SCGB2B2: variants seen among roughly 807,000 people sequenced by gnomAD.
SCGB2B2 encodes secretoglobin-like protein.
SCGB2B2 carries 11 observed loss-of-function variants against 7.6 expected under a neutral mutation model. That is an observed-to-expected ratio of 1.45 (90% CI 0.91 to 2.40). The LOEUF is 2.40. Among genes scored for constraint, SCGB2B2 ranks in the 30% most tolerant of loss-of-function variants. SCGB2B2 has a pLI of 0.00. For synonymous variants in SCGB2B2, 50 were observed against 48.6 expected, an observed-to-expected ratio of 1.03 and a Z score of -0.12; for missense variants, 104 against 115.4, an observed-to-expected ratio of 0.90 and a Z score of 0.45.
chr19:34,625,356 A>G (rs928256462), intron 1 of SCGB2B2, among the ~76,000 whole-genome samples: 1 of 152,218 alleles, frequency 6.6e-6, no homozygotes, highest in Non-Finnish European at 1.5e-5. Context: ...GGGTCAGGGA[A>G]TTCCCTTTCC....
intron 1 of SCGB2B2, among the ~76,000 whole-genome samples, chr19:34,669,181 G>T (rs1189996936): frequency 6.6e-6 from 1 of 152,022 alleles, no homozygotes; most frequent in South Asian, 2.1e-4. Context: ...GAGGGTCCGC[G>T]ACTTCATTCT....
chr19:34,606,521 T>C (rs1180902574), intron 1 of SCGB2B2, among the ~76,000 whole-genome samples: 1 of 151,310 alleles, frequency 6.6e-6, no homozygotes, highest in Non-Finnish European at 1.5e-5. Flanking sequence ...CTTTTTCTTT[T>C]TTTTTTTGCT....
chr19:34,632,562 C>G (rs1411616319), intron 1 of SCGB2B2, among the ~76,000 whole-genome samples: 2 of 152,138 alleles, frequency 1.3e-5, no homozygotes, highest in African/African-American at 4.8e-5. Flanking sequence ...CACTACACAC[C>G]AAATGAGAAT....
In SCGB2B2 at chr19:34,590,931, G is replaced by A. The variant is rs568834652; in HGVS notation, c.*2624C>T. Among the ~76,000 whole-genome samples, 2 of 152,008 alleles carry A rather than the reference G, an allele frequency of 1.3e-5. No homozygotes were observed. Among genetic ancestry groups the A allele is most frequent in the Non-Finnish European group, 2.9e-5 (2 of 67,992 alleles). ...TAACATGTTTGTCCAAATTTCTCAG[G>A]GCATTTCTAATTCTTTTCATTTACT... On this transcript the variant is annotated 3_prime_UTR_variant, in exon 4 of 4. Transcript: ENST00000601241.
intron 1 of SCGB2B2, among the ~76,000 whole-genome samples, chr19:34,631,129 G>C (rs1264670943): frequency 5.0e-5 from 6 of 119,052 alleles, no homozygotes; most frequent in East Asian, 6.1e-4. Flanking sequence ...TGGGGGGAGG[G>C]GGGAGGGATG....
downstream of SCGB2B2, among the ~76,000 whole-genome samples, chr19:34,586,921 C>G (rs1259456094): frequency 2.0e-5 from 3 of 151,612 alleles, no homozygotes; most frequent in Non-Finnish European, 2.9e-5. Flanking sequence ...TGTTGTTGTT[C>G]TTTGAGACGG....
chr19:34,633,553 G>C (rs890578846), intron 1 of SCGB2B2, among the ~76,000 whole-genome samples: 1 of 152,098 alleles, frequency 6.6e-6, no homozygotes, highest in African/African-American at 2.4e-5. Context: ...TAAAGTTTTA[G>C]AAAAAGAAAA....
chr19:34,642,711 T>C (rs1321174804), intron 1 of SCGB2B2, among the ~76,000 whole-genome samples: 1 of 1,762 alleles, frequency 5.7e-4, no homozygotes, highest in Non-Finnish European at 1.2e-3. Context: ...CAAGACTCCG[T>C]CTCAAAAAAA....
intron 1 of SCGB2B2, among the ~76,000 whole-genome samples, chr19:34,653,391 T>C (rs2067209727): frequency 6.6e-6 from 1 of 151,290 alleles, no homozygotes; most frequent in African/African-American, 2.5e-5. Context: ...TGATCAATGT[T>C]TGAGGAGGTG....
At chr19:34,645,986 G>T in intron 1 of SCGB2B2, 2 of 329,228 alleles carry the variant, frequency 6.1e-6, no homozygotes, top group South Asian at 5.7e-5. Flanking sequence ...CCAGCCCCCT[G>T]ACAGAGGAGT....
intron 1 of SCGB2B2, among the ~76,000 whole-genome samples, chr19:34,606,402 G>A (rs1228610179): frequency 3.3e-5 from 5 of 152,078 alleles, no homozygotes; most frequent in African/African-American, 1.2e-4. Flanking sequence ...AAGCTATAGG[G>A]ATGAAGAGCA....
In SCGB2B2 at chr19:34,593,551, C is replaced by T. The variant is rs377254676; in HGVS notation, c.*4G>A. The T allele has an allele frequency of 2.5e-4, 382 of 1,551,816 alleles. No individual in the cohort carries two copies. Among genetic ancestry groups the T allele is most frequent in the Non-Finnish European group, 3.2e-4 (369 of 1,146,970 alleles). Reference sequence around the variant, plus strand: ...CCAATATCTGATCTGCAGGGGTCCTCAGATCAGAAGGCTGCTTCTATGCAA... The same window carrying T: ...CCAATATCTGATCTGCAGGGGTCCTTAGATCAGAAGGCTGCTTCTATGCAA... On this transcript the variant is annotated 3_prime_UTR_variant, in exon 4 of 4. Transcript: ENST00000601241.
intron 1 of SCGB2B2, among the ~76,000 whole-genome samples, chr19:34,647,012 A>C (rs919491152): frequency 6.7e-6 from 1 of 148,824 alleles, no homozygotes; most frequent in Admixed American, 6.7e-5. Flanking sequence ...GCACAACCCC[A>C]CCCCGCCTTG....
intron 1 of SCGB2B2, among the ~76,000 whole-genome samples, chr19:34,623,126 T>C (rs1033268536): frequency 3.9e-5 from 6 of 152,176 alleles, no homozygotes. Context: ...TGGCACTGTA[T>C]GAGACACAAA....
Position 34,608,423 on chromosome 19 carries a change from C to T in SCGB2B2, c.-2031-11829G>A, listed in dbSNP as rs2065837806. Among the ~76,000 whole-genome samples the T allele has an allele frequency of 3.3e-5, 5 of 150,674 alleles. No homozygotes were observed. In the Admixed American group the frequency reaches 3.3e-4, roughly 10 times the overall value. ...TCCTCCTATCTAGTTGCACTTTGTACCATTAATCAACCTTTGGCTATAAAC... is the reference window on the plus strand; with the variant it reads ...TCCTCCTATCTAGTTGCACTTTGTATCATTAATCAACCTTTGGCTATAAAC... On this transcript the variant is annotated intron_variant, in intron 1 of 3. Coordinates refer to ENST00000601241, the MANE Select transcript of SCGB2B2 (RefSeq NM_001025591.4).
At chr19:34,628,034 C>T (rs1452163004) in intron 1 of SCGB2B2, among the ~76,000 whole-genome samples, 2 of 151,996 alleles carry the variant, frequency 1.3e-5, no homozygotes, top group East Asian at 3.9e-4. Flanking sequence ...GGGTACATAA[C>T]AAAATGAAGG....
rs2065287345 is a variant in SCGB2B2, at chr19:34,591,140, C to T, written c.*2415G>A. On this transcript the variant is annotated 3_prime_UTR_variant, in exon 4 of 4. Transcript: ENST00000601241. ...GAGCTCCAAACTAGAGCGTCTCACA[C>T]CCCCTGTGTCCCGTCCTCCTGGATA... Among the ~76,000 whole-genome samples the T allele has an allele frequency of 2.0e-5, 3 of 152,290 alleles. No individual in the cohort carries two copies. The highest frequency in any genetic ancestry group is 2.9e-5 in the Non-Finnish European group (2 of 68,018).
At chr19:34,600,237 C>T (rs2065585202) in intron 1 of SCGB2B2, among the ~76,000 whole-genome samples, 1 of 152,122 alleles carries the variant, frequency 6.6e-6, no homozygotes, top group Admixed American at 6.5e-5. Flanking sequence ...TGTCTGTTCT[C>T]CCGTATCTTA....
intron 1 of SCGB2B2, among the ~76,000 whole-genome samples, chr19:34,638,448 CAAAAAA>C (rs59332569): frequency 1.5e-5 from 2 of 133,752 alleles, no homozygotes; most frequent in Non-Finnish European, 3.2e-5. Context: ...GTCTCCAAAA[CAAAAAA>C]AAAAAGGAAC....
Sources: allele counts gnomAD v4.1 joint callset (sites outside exome capture counted in the v4.1 genomes callset), GRCh38; gene constraint gnomAD v4.1.1; transcripts MANE v1.5; gene names NCBI Gene and HGNC (gene_info 2026-07-23, HGNC 2026-07-21).